SORBS2: variants seen among roughly 807,000 people sequenced by gnomAD.
SORBS2 encodes the protein sorbin and SH3 domain-containing protein 2.
SORBS2 carries 46 observed loss-of-function variants against 97.7 expected under a neutral mutation model. The observed-to-expected ratio is 0.47, with a 90% CI of 0.37 to 0.60. The LOEUF (loss-of-function observed/expected upper bound fraction) is 0.60, where lower values mean the gene tolerates loss of function less well. SORBS2 is among the 20% of genes least tolerant of loss of function. SORBS2 has a pLI of 0.00. For missense variants in SORBS2, 1,316 were observed against 1,282.3 expected, an observed-to-expected ratio of 1.03 and a Z score of -0.40; for synonymous variants, 476 against 473.4, an observed-to-expected ratio of 1.01 and a Z score of -0.07.
rs528513119 is a variant in SORBS2, at chr4:185,620,018, CA to C, written c.2304+44del. The C allele has an allele frequency of 1.3e-3, 1,583 of 1,175,920 alleles. 7 individuals carry two copies. The highest frequency in any genetic ancestry group is 0.013 in the African/African-American group (849 of 66,736). 72.8% of individuals were successfully genotyped at this position (1,175,920 alleles called of 1,614,324 possible). A position where few individuals can be genotyped will look rare whatever the true frequency, so the allele number is the denominator to read the frequency against. ...AATTTTTGGCTGGTAAGTGCTGTATCAAGTGTGTTGCTGTGAAAGACTCCAA... is the reference window on the plus strand; with the variant it reads ...AATTTTTGGCTGGTAAGTGCTGTATCAGTGTGTTGCTGTGAAAGACTCCAA... On this transcript the variant is annotated intron_variant, in intron 8 of 14. Transcript: ENST00000418609.
chr4:185,891,954 C>T (rs1003350831), intron 1 of SORBS2, among the ~76,000 whole-genome samples: 4 of 152,110 alleles, frequency 2.6e-5, no homozygotes, highest in Non-Finnish European at 4.4e-5. Context: ...CCTGCCTCAG[C>T]CTCGTGAACA....
intron 1 of SORBS2, among the ~76,000 whole-genome samples, chr4:185,792,286 G>C (rs535760799): frequency 6.6e-6 from 1 of 152,200 alleles, no homozygotes; most frequent in South Asian, 2.1e-4. Flanking sequence ...CTGAGGTCAA[G>C]AGTTTGAAAC....
intron 1 of SORBS2, among the ~76,000 whole-genome samples, chr4:185,951,970 C>T (rs892320410): frequency 1.1e-4 from 17 of 152,030 alleles, no homozygotes; most frequent in African/African-American, 3.1e-4. Context: ...AAACAAACAA[C>T]CCCAAAATTG....
chr4:185,609,292 G>A (rs2096492563), intron 12 of SORBS2, among the ~76,000 whole-genome samples: 1 of 152,016 alleles, frequency 6.6e-6, no homozygotes. Flanking sequence ...AGTTAGATTT[G>A]GAAAGTCTGT....
At chr4:185,603,358 A>G (rs1196684139) in intron 12 of SORBS2, among the ~76,000 whole-genome samples, 1 of 152,238 alleles carries the variant, frequency 6.6e-6, no homozygotes, top group Non-Finnish European at 1.5e-5. Flanking sequence ...GGCATTATTT[A>G]AAACATTTCC....
intron 1 of SORBS2, among the ~76,000 whole-genome samples, chr4:185,791,421 A>G (rs1036831094): frequency 4.6e-5 from 7 of 152,128 alleles, no homozygotes; most frequent in African/African-American, 1.7e-4. Flanking sequence ...TGTTTTATTC[A>G]TATAGCACAG....
intron 4 of SORBS2, 150 bp from the exon 16 acceptor site, chr4:185,635,561 A>C: frequency 3.2e-6 from 2 of 621,238 alleles, no homozygotes; most frequent in Non-Finnish European, 5.7e-6. Flanking sequence ...ACATGAATGG[A>C]GCAAAATGGG....
intron 1 of SORBS2, among the ~76,000 whole-genome samples, chr4:185,853,983 C>G (rs1211718730): frequency 1.3e-5 from 2 of 152,264 alleles, no homozygotes; most frequent in East Asian, 3.9e-4. Context: ...TAAGAATAGT[C>G]TCTGAAATGA....
intron 1 of SORBS2, among the ~76,000 whole-genome samples, chr4:185,896,790 T>C (rs1192776322): frequency 6.6e-6 from 1 of 150,996 alleles, no homozygotes. Context: ...TGGAGGAGGC[T>C]CCACTGGGAA....
At chr4:185,836,387 T>C (rs924140679) in intron 1 of SORBS2, among the ~76,000 whole-genome samples, 1 of 152,176 alleles carries the variant, frequency 6.6e-6, no homozygotes, top group Non-Finnish European at 1.5e-5. Context: ...GGTCAGTTTA[T>C]AGGAGAGGTC....
At chr4:185,878,284 C>T (rs62335020) in intron 1 of SORBS2, among the ~76,000 whole-genome samples, 61,575 of 151,530 alleles carry the variant, frequency 0.41, 12,761 homozygotes, top group East Asian at 0.56. Context: ...AAAAAGTAAG[C>T]ATTAACATGA....
intron 1 of SORBS2, among the ~76,000 whole-genome samples, chr4:185,859,346 C>A (rs2099222367): frequency 6.6e-6 from 1 of 152,166 alleles, no homozygotes; most frequent in African/African-American, 2.4e-5. Context: ...ATACCTTATC[C>A]TCCCAGCTGC....
At chr4:185,863,795 G>T (rs1463456947) in intron 1 of SORBS2, among the ~76,000 whole-genome samples, 1 of 152,114 alleles carries the variant, frequency 6.6e-6, no homozygotes, top group Non-Finnish European at 1.5e-5. Context: ...TCTATCAAAT[G>T]CTATGATTGT....
chr4:185,718,339 A>T (rs937699853), intron 2 of SORBS2, among the ~76,000 whole-genome samples: 1 of 152,190 alleles, frequency 6.6e-6, no homozygotes, highest in African/African-American at 2.4e-5. Context: ...CATCATAAAC[A>T]TTATTTCGTT....
At chr4:185,836,935 A>T (rs762821119) in intron 1 of SORBS2, among the ~76,000 whole-genome samples, 153 of 152,218 alleles carry the variant, frequency 1.0e-3, no homozygotes, top group Non-Finnish European at 1.2e-3. Context: ...GTTCACAAAG[A>T]TAGCTAAGCT....
At chr4:185,780,189 G>A (rs10866281) in intron 1 of SORBS2, among the ~76,000 whole-genome samples, 133,218 of 151,476 alleles carry the variant, frequency 0.88, 58,630 homozygotes, top group East Asian at 0.96. Flanking sequence ...TTAATTTTGT[G>A]TTTTTAGTAG....
rs59057506 is a variant in SORBS2, at chr4:185,868,159, C to CTTTCTTTTTTTTTTTT, written c.-338+88036_-338+88037insAAAAAAAAAAAAGAAA. ...TCTCTTTTCTTTTCTTTTTTTCTTTCTTTTTTTTTTTTTTTGAGGCAGAGT... is the reference window on the plus strand; with the variant it reads ...TCTCTTTTCTTTTCTTTTTTTCTTTCTTTCTTTTTTTTTTTTTTTTTTTTTTTTTTTGAGGCAGAGT... On this transcript the variant is annotated intron_variant, in intron 1 of 20. Coordinates refer to the SORBS2 transcript ENST00000284776. Among the ~76,000 whole-genome samples, 83 of 105,200 alleles carry CTTTCTTTTTTTTTTTT rather than the reference C, an allele frequency of 7.9e-4. 1 individual carries two copies. Among genetic ancestry groups the CTTTCTTTTTTTTTTTT allele is most frequent in the African/African-American group, 3.2e-3 (81 of 25,600 alleles). 69.0% of individuals were successfully genotyped at this position (105,200 alleles called of 152,430 possible).
intron 4 of SORBS2, among the ~76,000 whole-genome samples, chr4:185,641,474 A>G (rs893073480): frequency 1.3e-5 from 2 of 152,130 alleles, no homozygotes; most frequent in African/African-American, 4.8e-5. Context: ...GGTGACCTGG[A>G]GGCACTGCTA....
intron 1 of SORBS2, among the ~76,000 whole-genome samples, chr4:185,806,381 A>C (rs1480087460): frequency 6.7e-6 from 1 of 148,422 alleles, no homozygotes; most frequent in Non-Finnish European, 1.5e-5. Flanking sequence ...ATGGCATCCC[A>C]TGCTTGTACT....
Sources: allele counts gnomAD v4.1 joint callset (sites outside exome capture counted in the v4.1 genomes callset), GRCh38; gene constraint gnomAD v4.1.1; transcripts MANE v1.5; gene names NCBI Gene and HGNC (gene_info 2026-07-23, HGNC 2026-07-21).